TMEM232: variants seen among roughly 807,000 people sequenced by gnomAD.
TMEM232 encodes the protein transmembrane protein 232.
A neutral mutation model predicts 78.8 loss-of-function variants in TMEM232; 80 were observed. The ratio of observed to expected loss-of-function variants is 1.01; its 90% CI spans 0.85 to 1.22. The LOEUF (loss-of-function observed/expected upper bound fraction) is 1.22. TMEM232 is among the 50% of genes most tolerant of loss of function. TMEM232 has a pLI of 0.00. For synonymous variants in TMEM232, 297 were observed against 254.3 expected (o/e 1.17, Z -1.60); for missense variants, 881 against 742.2 (o/e 1.19, Z -2.17).
chr5:110,624,270 T>C (rs1265515708), intron 7 of TMEM232, among the ~76,000 whole-genome samples: 3 of 152,292 alleles, frequency 2.0e-5, no homozygotes, highest in Non-Finnish European at 4.4e-5. Flanking sequence ...CATGTTTGCA[T>C]GGCATTTAAT....
chr5:110,486,315 T>C (rs1481277661), intron 12 of TMEM232, among the ~76,000 whole-genome samples: 1 of 152,166 alleles, frequency 6.6e-6, no homozygotes, highest in Non-Finnish European at 1.5e-5. Context: ...AAAAGCTCTT[T>C]AGTTTAATTA....
At chr5:110,725,789 G>A (rs1450070075) in intron 1 of TMEM232, 1 of 152,048 alleles carries the variant, frequency 6.6e-6, no homozygotes, top group Admixed American at 6.6e-5. Context: ...CAATAAAAAT[G>A]AGGTTGAAAC....
At chr5:110,527,940 A>G (rs1298270036) in intron 12 of TMEM232, among the ~76,000 whole-genome samples, 11 of 152,008 alleles carry the variant, frequency 7.2e-5, no homozygotes, top group African/African-American at 2.7e-4. Flanking sequence ...CCTGTGTTAT[A>G]TATCAGGAGT....
In TMEM232 at chr5:110,450,558, C is replaced by T. The variant is rs540297920; in HGVS notation, c.1704-25642G>A. Among the ~76,000 whole-genome samples the T allele has an allele frequency of 2.6e-5, 4 of 152,120 alleles. No homozygotes were observed. The East Asian group carries it at 7.7e-4, about 29-fold the overall frequency. ...CACTCTCCCTGTTGCAGGTTTAGCA[C>T]GAATGCAGGTAAACTGTGGAAATTA... On this transcript the variant is annotated intron_variant, in intron 12 of 13. Coordinates refer to ENST00000455884, the MANE Select transcript of TMEM232 (RefSeq NM_001039763.4).
At chr5:110,604,367 G>GCTACT (rs1418425575) in intron 10 of TMEM232, among the ~76,000 whole-genome samples, 1 of 152,048 alleles carries the variant, frequency 6.6e-6, no homozygotes, top group Non-Finnish European at 1.5e-5. Flanking sequence ...ACATAAGACA[G>GCTACT]CTACTATTTG....
chr5:110,604,962 T>A, intron 10 of TMEM232, 147 bp downstream of exon 10: 1 of 947,330 alleles, frequency 1.1e-6, no homozygotes, highest in Non-Finnish European at 1.5e-6. Context: ...CCTCAAAAAA[T>A]AAATCATGCT....
rs1195268957 is a variant in TMEM232, at chr5:110,627,878, A to T, written c.504T>A (p.Ile168=). The change falls in exon 6 of 14, where the codon ATT becomes ATA. Residue 168 remains isoleucine, a splice_region_variant and synonymous_variant. Coordinates refer to ENST00000455884, the MANE Select transcript of TMEM232 (RefSeq NM_001039763.4). ...LYSVEIKLAK[I]GYLVFLRLFI... is the part of the protein sequence containing the mutation. ...AAAGTCGTAAGAAGACCAAATAGCCAATCTGTCAAAAGAGAAAAGAAAAAT... is the reference window on the plus strand; with the variant it reads ...AAAGTCGTAAGAAGACCAAATAGCCTATCTGTCAAAAGAGAAAAGAAAAAT... 3 of 1,516,760 alleles carry T rather than the reference A, an allele frequency of 2.0e-6. No homozygotes were observed. In the African/African-American group the frequency reaches 4.2e-5, roughly 21 times the overall value. 94.0% of individuals were successfully genotyped at this position (1,516,760 alleles called of 1,614,324 possible). A position where few individuals can be genotyped will look rare whatever the true frequency, so the allele number is the denominator to read the frequency against.
intron 10 of TMEM232, among the ~76,000 whole-genome samples, chr5:110,598,767 A>C (rs1304433684): frequency 6.7e-6 from 1 of 150,196 alleles, no homozygotes; most frequent in South Asian, 2.1e-4. Context: ...AAGGACAAAA[A>C]ACCAAACACC....
At chr5:110,680,308 A>T (rs1792561942) in intron 1 of TMEM232, among the ~76,000 whole-genome samples, 1 of 151,716 alleles carries the variant, frequency 6.6e-6, no homozygotes, top group Non-Finnish European at 1.5e-5. Flanking sequence ...GAGGCATGAG[A>T]ATCACTTGAA....
At chr5:110,470,929 C>G (rs1051130982) in intron 12 of TMEM232, among the ~76,000 whole-genome samples, 1 of 151,988 alleles carries the variant, frequency 6.6e-6, no homozygotes, top group Non-Finnish European at 1.5e-5. Flanking sequence ...AAAAGAAATT[C>G]AAAATAATGA....
chr5:110,399,009 G>T (rs1755493094), intron 2 of TMEM232, among the ~76,000 whole-genome samples: 1 of 151,998 alleles, frequency 6.6e-6, no homozygotes, highest in South Asian at 2.1e-4. Flanking sequence ...GCTAGAATCT[G>T]TTTTTTCAGC....
intron 1 of TMEM232, among the ~76,000 whole-genome samples, chr5:110,674,617 T>C (rs894429020): frequency 6.6e-6 from 1 of 152,234 alleles, no homozygotes; most frequent in African/African-American, 2.4e-5. Context: ...TGAAAAGTAC[T>C]AATATTTCAT....
intron 1 of TMEM232, among the ~76,000 whole-genome samples, chr5:110,694,922 G>C (rs984764100): frequency 6.6e-6 from 1 of 152,136 alleles, no homozygotes; most frequent in Non-Finnish European, 1.5e-5. Context: ...GGATATCCTG[G>C]AATTGAACAC....
downstream of TMEM232, among the ~76,000 whole-genome samples, chr5:110,416,392 A>G (rs1756212776): frequency 6.6e-6 from 1 of 152,212 alleles, no homozygotes; most frequent in South Asian, 2.1e-4. Context: ...CACAGATAAA[A>G]CAAATAGGGG....
chr5:110,579,454 A>T (rs924917107), intron 10 of TMEM232, among the ~76,000 whole-genome samples: 20 of 151,812 alleles, frequency 1.3e-4, no homozygotes, highest in Non-Finnish European at 2.9e-4. Flanking sequence ...TACACTTAAT[A>T]CTATATTAGT....
At chr5:110,432,481 G>C (rs1757966322) in intron 12 of TMEM232, among the ~76,000 whole-genome samples, 1 of 151,488 alleles carries the variant, frequency 6.6e-6, no homozygotes, top group African/African-American at 2.4e-5. Flanking sequence ...ATGCTTAATA[G>C]AGCTCTAAAC....
chr5:110,391,974 A>ACATATGCATCATATGG (rs1433057304), intron 3 of TMEM232, among the ~76,000 whole-genome samples: 24 of 152,196 alleles, frequency 1.6e-4, no homozygotes, highest in African/African-American at 5.5e-4. Flanking sequence ...TGTATCTCCT[A>ACATATGCATCATATGG]CATATGCATC....
In TMEM232 at chr5:110,573,750, G is replaced by A. The variant is rs189995712; in HGVS notation, c.1277-5125C>T. ...GAGGTGATATTCAAGCTAAGATCTA[G>A]CTGATGAAGAAGAGTTAATCATTGA... is the stretch of plus-strand genomic sequence containing the variant. On this transcript the variant is annotated intron_variant, in intron 10 of 13. Transcript: ENST00000455884. 3.9e-5 allele frequency among the ~76,000 whole-genome samples: 6 copies of A among 152,204 alleles called. No individual in the cohort carries two copies. The East Asian group carries it at 7.8e-4, about 20-fold the overall frequency.
intron 2 of TMEM232, among the ~76,000 whole-genome samples, chr5:110,651,531 T>A (rs560370777): frequency 2.0e-5 from 3 of 152,010 alleles, no homozygotes; most frequent in African/African-American, 7.2e-5. Context: ...AGGAGCGGGC[T>A]GGGGACTAGT....
Sources: allele counts gnomAD v4.1 joint callset (sites outside exome capture counted in the v4.1 genomes callset), GRCh38; gene constraint gnomAD v4.1.1; transcripts MANE v1.5; gene names NCBI Gene and HGNC (gene_info 2026-07-23, HGNC 2026-07-21).